Variants in MCRIP1 observed in about 807,000 individuals in gnomAD.
The protein encoded by MCRIP1 is MAPK regulated corepressor interacting protein 1.
In MCRIP1, 10 loss-of-function variants were observed where a neutral mutation model predicts 14.4. That is an observed-to-expected ratio of 0.70 (90% CI 0.43 to 1.18). The LOEUF (loss-of-function observed/expected upper bound fraction) is 1.18, where lower values mean the gene tolerates loss of function less well. MCRIP1 is among the 50% of genes most tolerant of loss of function. MCRIP1 has a pLI of 0.00. For synonymous variants in MCRIP1, 53 were observed against 55.7 expected (o/e 0.95, Z 0.21); for missense variants, 119 against 135.4 (o/e 0.88, Z 0.60).
chr17:81,824,466 C>T (rs1467679136), intron 2 of MCRIP1, 33 bp downstream of exon 2: 20 of 1,535,394 alleles, frequency 1.3e-5, no homozygotes, highest in East Asian at 1.2e-4. Flanking sequence ...CAACCCGCCC[C>T]GGTGGAGACC....
At chr17:81,825,744 C>T (rs1304095328) in intron 1 of MCRIP1, 1 of 1,289,264 alleles carries the variant, frequency 7.8e-7, no homozygotes, top group Non-Finnish European at 1.0e-6. Flanking sequence ...GGGCCAGGGG[C>T]TCCCCACCCA....
At chr17:81,825,507 AGGCTGCAGATACTCCAGGGCACAC>A (rs1442020988) in intron 1 of MCRIP1, 1 of 1,234,578 alleles carries the variant, frequency 8.1e-7, no homozygotes, top group Admixed American at 2.7e-5. Context: ...CAGAGGCCCA[AGGCTGCAGATACTCCAGGGCACAC>A]GGCTGCAGCC....
intron 1 of MCRIP1, chr17:81,825,991 C>T (rs1317867900): frequency 4.5e-6 from 6 of 1,347,958 alleles, no homozygotes. Flanking sequence ...CCCCTGCTGG[C>T]TCTCACCACT....
At position 81,824,362 on chromosome 17, in the gene MCRIP1, T is replaced by C. The variant is rs1219191333; in HGVS notation, c.52A>G (p.Ser18Gly). 1 of 1,535,420 alleles carries C rather than the reference T, an allele frequency of 6.5e-7. No individual in the cohort carries two copies. The highest frequency in any genetic ancestry group is 1.4e-5 in the African/African-American group (1 of 72,916). Residue 18 changes from serine to glycine, a missense_variant, in exon 3 of 5, where the codon AGC (serine) becomes GGC (glycine). By Grantham distance (56) the Ser-to-Gly change is moderately conservative. Coordinates refer to ENST00000455127, the MANE Select transcript of MCRIP1 (RefSeq NM_207368.5). Reference protein sequence around the residue: ...RVVYNGKRTSSPRSPPSSSEI... With the variant: ...RVVYNGKRTSGPRSPPSSSEI... Reference sequence around the variant, plus strand: ...CTGCTGCTGGGTGGGGAGCGGGGGCTGCTGGTCCTCTTGCCGTTGTACACG... The same window carrying C: ...CTGCTGCTGGGTGGGGAGCGGGGGCCGCTGGTCCTCTTGCCGTTGTACACG...
Position 81,823,809 on chromosome 17 carries a change from G to A in MCRIP1, c.128-296C>T. 1 of 579,096 alleles carries A rather than the reference G, an allele frequency of 1.7e-6. No homozygotes were observed. The highest frequency in any genetic ancestry group is 3.1e-6 in the Non-Finnish European group (1 of 325,912). 35.9% of individuals were successfully genotyped at this position (579,096 alleles called of 1,614,324 possible). On this transcript the variant is annotated intron_variant, in intron 3 of 4. Coordinates refer to ENST00000455127, the MANE Select transcript of MCRIP1 (RefSeq NM_207368.5). This position sits in a 1 kb window ranked among gnomAD's most constrained non-coding sequence, Gnocchi z 6.0. The stretch of plus-strand genomic sequence containing the variant: ...CCTCGGAGGCAGCGCATCCTCCTCA[G>A]CTAGGCCTCTATCTTTCCCACCTCA...
intron 1 of MCRIP1, among the ~76,000 whole-genome samples, chr17:81,831,023 T>C (rs892789674): frequency 2.0e-5 from 3 of 151,050 alleles, no homozygotes; most frequent in Non-Finnish European, 4.4e-5. Context: ...AATACAAAAA[T>C]TAGCTGGGCG....
chr17:81,831,575 C>T (rs1171975251), intron 1 of MCRIP1, among the ~76,000 whole-genome samples: 6 of 152,020 alleles, frequency 3.9e-5, no homozygotes, highest in African/African-American at 9.7e-5. Context: ...AAACACTTGT[C>T]GGGCTAAGGG....
intron 1 of MCRIP1, chr17:81,826,091 T>G (rs557231842): frequency 6.8e-7 from 1 of 1,475,908 alleles, no homozygotes; most frequent in African/African-American, 1.4e-5. Flanking sequence ...CAGTGGCCAC[T>G]TGGCCTTTAT....
At chr17:81,827,565 C>T (rs1300896490) in intron 1 of MCRIP1, among the ~76,000 whole-genome samples, 1 of 151,820 alleles carries the variant, frequency 6.6e-6, no homozygotes, top group African/African-American at 2.4e-5. Flanking sequence ...GCCACCACGC[C>T]CGGCCGGCAA....
At position 81,823,110 on chromosome 17, in the gene MCRIP1, C is replaced by A; in HGVS notation, c.*137G>T. 1.2e-6 allele frequency: 1 copy of A among 800,486 alleles called. No homozygotes were observed. The highest frequency in any genetic ancestry group is 2.7e-5 in the East Asian group (1 of 37,416). The allele number at this position is 800,486 out of a possible 1,614,324, so 49.6% of individuals were successfully genotyped here. A position where few individuals can be genotyped will look rare whatever the true frequency, so the allele number is the denominator to read the frequency against. ...TTGGGAAGGAGAGGCAGGCCTCAGC[C>A]GTCAGTCACGCCAGTGCTGGGATCT... On this transcript the variant is annotated 3_prime_UTR_variant, in exon 5 of 5. Transcript: ENST00000455127. The surrounding 1 kb of genome is among the most constrained non-coding windows in gnomAD (Gnocchi z 6.0).
At chr17:81,832,554 T>C (rs2038540878) in intron 1 of MCRIP1, among the ~76,000 whole-genome samples, 4 of 152,230 alleles carry the variant, frequency 2.6e-5, no homozygotes, top group Admixed American at 2.0e-4. Context: ...GGTCAAGCTG[T>C]CTTCTCTGCC....
At chr17:81,825,661 G>A in intron 1 of MCRIP1, 1 of 1,289,404 alleles carries the variant, frequency 7.8e-7, no homozygotes, top group Non-Finnish European at 1.0e-6. Flanking sequence ...GGCAAAACCA[G>A]CAAAGAGCAG....
intron 1 of MCRIP1, among the ~76,000 whole-genome samples, chr17:81,828,635 G>C (rs950555161): frequency 5.8e-4 from 88 of 152,236 alleles, no homozygotes; most frequent in Middle Eastern, 3.4e-3. Context: ...CAGCCAGAGG[G>C]GGCACCACAG....
rs928708459 is a variant in MCRIP1 at position 81,822,378 on chromosome 17, C to T, written c.*869G>A. ...CCGGGAGCTGGCTGTGCATGTGTGC[C>T]GCAGGGGCAGAGGCCTGACAGACCA... On this transcript the variant is annotated 3_prime_UTR_variant, in exon 5 of 5. Coordinates refer to ENST00000455127, the MANE Select transcript of MCRIP1 (RefSeq NM_207368.5). The T allele has an allele frequency of 3.9e-5, 6 of 152,458 alleles. No individual in the cohort carries two copies. Among genetic ancestry groups the T allele is most frequent in the Non-Finnish European group, 7.3e-5 (5 of 68,276 alleles). The allele number at this position is 152,458 out of a possible 1,614,324, so 9.4% of individuals were successfully genotyped here.
At chr17:81,824,459 C>A (rs1284028716) in intron 2 of MCRIP1, 40 bp downstream of exon 2, 1 of 1,534,252 alleles carries the variant, frequency 6.5e-7, no homozygotes, top group South Asian at 1.2e-5. Flanking sequence ...GAGCCCACAA[C>A]CCGCCCCGGT....
intron 1 of MCRIP1, chr17:81,824,922 C>A: frequency 8.7e-7 from 1 of 1,154,906 alleles, no homozygotes; most frequent in Admixed American, 4.4e-5. Flanking sequence ...CCGTCAGCAT[C>A]TCTGATGTCC....
At chr17:81,829,365 A>AC (rs1468389998) in intron 1 of MCRIP1, among the ~76,000 whole-genome samples, 1 of 152,142 alleles carries the variant, frequency 6.6e-6, no homozygotes, top group African/African-American at 2.4e-5. Flanking sequence ...CTGGGCCACC[A>AC]CCAGGGTGAC....
chr17:81,832,079 T>C (rs1255218044), intron 1 of MCRIP1, among the ~76,000 whole-genome samples: 2 of 152,088 alleles, frequency 1.3e-5, no homozygotes, highest in African/African-American at 4.8e-5. Flanking sequence ...AACGTGACAA[T>C]AGTGAGGTTC....
intron 1 of MCRIP1, chr17:81,825,966 AGCCCCCTGCCTC>A: frequency 1.5e-6 from 2 of 1,318,798 alleles, no homozygotes; most frequent in Non-Finnish European, 2.0e-6. Flanking sequence ...TAGACTGGCC[AGCCCCCTGCCTC>A]GCCCCCTGCT....
Sources: allele counts gnomAD v4.1 joint callset (sites outside exome capture counted in the v4.1 genomes callset), GRCh38; gene constraint gnomAD v4.1.1; non-coding constraint Gnocchi (gnomAD v3.1); transcripts MANE v1.5; gene names NCBI Gene and HGNC (gene_info 2026-07-23, HGNC 2026-07-21).